FLRT1: variants seen among roughly 807,000 people sequenced by gnomAD.
The protein encoded by FLRT1 is fibronectin leucine rich transmembrane protein 1, also known as leucine-rich repeat transmembrane protein FLRT1.
In FLRT1, 14 loss-of-function variants were observed where a neutral mutation model predicts 30.9. The observed-to-expected ratio is 0.45, with a 90% CI of 0.30 to 0.71. FLRT1 has a LOEUF of 0.71. Among genes scored for constraint, FLRT1 ranks in the 30% least tolerant of loss-of-function variants. The probability of loss-of-function intolerance (pLI) is 0.08; values close to 1 mark genes in which losing one functional copy is unlikely to be tolerated. For synonymous variants in FLRT1, 368 were observed against 430.4 expected (o/e 0.85, Z 1.80); for missense variants, 737 against 949.2 (o/e 0.78, Z 2.94).
chr11:64,106,645 G>A (rs1377294388), intron 2 of FLRT1, among the ~76,000 whole-genome samples: 4 of 152,138 alleles, frequency 2.6e-5, no homozygotes, highest in Admixed American at 2.0e-4. Flanking sequence ...AGTGAGTGTT[G>A]CCCATCACCA....
At chr11:64,056,347 G>T (rs769681473) in intron 1 of FLRT1, among the ~76,000 whole-genome samples, 1 of 152,052 alleles carries the variant, frequency 6.6e-6, no homozygotes, top group Non-Finnish European at 1.5e-5. Context: ...GCCACTCCCC[G>T]CCCAGGCTCT....
intron 1 of FLRT1, among the ~76,000 whole-genome samples, chr11:64,070,425 G>A (rs1044030713): frequency 2.6e-5 from 4 of 152,200 alleles, no homozygotes; most frequent in African/African-American, 7.2e-5. Context: ...TCCAGGAGAG[G>A]CCTCCGGGAG....
chr11:64,106,029 T>C (rs1286625139), intron 2 of FLRT1, among the ~76,000 whole-genome samples: 1 of 152,052 alleles, frequency 6.6e-6, no homozygotes, highest in Non-Finnish European at 1.5e-5. Context: ...CCTCTGATAG[T>C]TGGAGACAGA....
intron 1 of FLRT1, among the ~76,000 whole-genome samples, chr11:64,080,976 C>A (rs1013216913): frequency 6.6e-6 from 1 of 152,196 alleles, no homozygotes; most frequent in Non-Finnish European, 1.5e-5. Flanking sequence ...TTGTTGAAGT[C>A]TGTTTAATGA....
At position 64,090,548 on chromosome 11, in the gene FLRT1, G is replaced by A. The variant is rs1401378790; in HGVS notation, c.-1037-12646G>A. ...CCTCGACCGGCTCTGCCTGCTCACA[G>A]GTGGCTGGGCCAGGAGGCTCCGGGA... On this transcript the variant is annotated intron_variant, in intron 1 of 2. Transcript: ENST00000682287. The surrounding 1 kb of genome is among the most constrained non-coding windows in gnomAD (Gnocchi z 4.7). Among the ~76,000 whole-genome samples the A allele has an allele frequency of 2.0e-5, 3 of 152,152 alleles. No individual in the cohort carries two copies. The highest frequency in any genetic ancestry group is 7.2e-5 in the African/African-American group (3 of 41,428).
intron 1 of FLRT1, among the ~76,000 whole-genome samples, chr11:64,051,465 CATT>C (rs1158703637): frequency 6.6e-5 from 10 of 152,216 alleles, no homozygotes; most frequent in East Asian, 1.9e-4. Context: ...GATTGAGTCT[CATT>C]GTTGTGGGGC....
chr11:64,043,873 G>A (rs1943535532), intron 1 of FLRT1, among the ~76,000 whole-genome samples: 1 of 150,680 alleles, frequency 6.6e-6, no homozygotes. Context: ...GTGCGATGGT[G>A]CAATCTGGGC....
chr11:64,099,492 G>A (rs1311260350), intron 1 of FLRT1, among the ~76,000 whole-genome samples: 2 of 152,190 alleles, frequency 1.3e-5, no homozygotes, highest in African/African-American at 2.4e-5. Context: ...AGAGACGGAT[G>A]GATGAATGGA....
intron 1 of FLRT1, among the ~76,000 whole-genome samples, chr11:64,046,058 T>C (rs1943578704): frequency 6.6e-6 from 1 of 151,896 alleles, no homozygotes; most frequent in African/African-American, 2.4e-5. Context: ...TATTATTCCC[T>C]TTTTACACAT....
In FLRT1 at chr11:64,036,012, G is replaced by T. The variant is rs544858159; in HGVS notation, c.-1185G>T. 830 of 151,126 alleles carry T rather than the reference G, an allele frequency of 5.5e-3. 1 individual carries two copies. Among genetic ancestry groups the T allele is most frequent in the South Asian group, 0.025 (125 of 4,932 alleles). The allele number at this position is 151,126 out of a possible 1,614,324, so 9.4% of individuals were successfully genotyped here. A position where few individuals can be genotyped will look rare whatever the true frequency, so the allele number is the denominator to read the frequency against. On this transcript the variant is annotated 5_prime_UTR_variant, in exon 1 of 3. Coordinates refer to ENST00000682287, the MANE Select transcript of FLRT1 (RefSeq NM_013280.5). The surrounding 1 kb of genome is among the most constrained non-coding windows in gnomAD (Gnocchi z 5.6). ...CCCCCCGCTCCGGGCCCGCCACCGT[G>T]CTCTGCCGCGCGCCGGGGGCTCCTC...
At chr11:64,075,616 A>G (rs1944185927) in intron 1 of FLRT1, among the ~76,000 whole-genome samples, 1 of 152,222 alleles carries the variant, frequency 6.6e-6, no homozygotes, top group Non-Finnish European at 1.5e-5. Context: ...ATATGGAGTG[A>G]CAACCTACAC....
Position 64,116,331 on chromosome 11 carries a change from G to A in FLRT1, c.64G>A (p.Val22Ile), listed in dbSNP as rs143337663. ...GCCCACTGCCACTGTCACGGCCACC[G>A]TTGTGATGACCACGGCCACCATGGA... The part of the protein sequence containing the change: ...TTPTATVTAT[V>I]VMTTATMDLR... Residue 22 changes from valine (V) to isoleucine (I), a missense_variant, in exon 3 of 3, where the codon GTT becomes ATT. Physicochemically the swap from Val to Ile is conservative, Grantham distance 29. Transcript: ENST00000682287. 637 of 1,610,868 alleles carry A rather than the reference G, an allele frequency of 4.0e-4. No homozygotes were observed. The highest frequency in any genetic ancestry group is 3.2e-3 in the African/African-American group (239 of 74,980).
chr11:64,069,439 G>A (rs1403211036), intron 1 of FLRT1, among the ~76,000 whole-genome samples: 2 of 152,222 alleles, frequency 1.3e-5, no homozygotes, highest in Non-Finnish European at 2.9e-5. Context: ...GGGTCTTGGA[G>A]CCCACTCCCC....
intron 1 of FLRT1, among the ~76,000 whole-genome samples, chr11:64,050,497 C>T (rs1943672694): frequency 6.6e-6 from 1 of 152,186 alleles, no homozygotes; most frequent in African/African-American, 2.4e-5. Flanking sequence ...GCCATGGATG[C>T]TTCAGCCCCC....
At chr11:64,061,005 G>C (rs1261024563) in intron 1 of FLRT1, among the ~76,000 whole-genome samples, 1 of 152,006 alleles carries the variant, frequency 6.6e-6, no homozygotes, top group Non-Finnish European at 1.5e-5. Context: ...GACCTTCCCC[G>C]ACCCAGGCAT....
Position 64,117,833 on chromosome 11 carries a change from C to G in FLRT1, c.1566C>G (p.Pro522=), listed in dbSNP as rs3824854. ...ATGCCTACGTAGCTGATGAGACACC[C>G]GTGTGTGCCAAGGCAGAGACAGCCG... ...TSNAYVADET[P]VCAKAETADS... The change falls in exon 3 of 3, where the codon CCC becomes CCG. Residue 522 remains proline (P), a synonymous_variant. Coordinates refer to ENST00000682287, the MANE Select transcript of FLRT1 (RefSeq NM_013280.5). 3.1e-6 allele frequency: 5 copies of G among 1,614,076 alleles called. No individual in the cohort carries two copies. In the East Asian group the frequency reaches 1.1e-4, roughly 36 times the overall value.
chr11:64,074,405 C>A (rs890223723), intron 1 of FLRT1, among the ~76,000 whole-genome samples: 2 of 152,186 alleles, frequency 1.3e-5, no homozygotes, highest in African/African-American at 4.8e-5. Flanking sequence ...CTGTGCTGAG[C>A]TCCAGGGGTG....
chr11:64,101,741 A>T, intron 1 of FLRT1, among the ~76,000 whole-genome samples: 1 of 151,722 alleles, frequency 6.6e-6, no homozygotes, highest in Admixed American at 6.5e-5. Flanking sequence ...CCTCCTGCGT[A>T]AGCCCCACCG....
chr11:64,117,619 T>A lies in FLRT1; in HGVS notation c.1352T>A (p.Ile451Asn), dbSNP rs1474606512. The change falls in exon 3 of 3, where the codon ATC becomes AAC. Residue 451 changes from isoleucine to asparagine, a missense_variant. Transcript: ENST00000682287. ...GTGAAGGCCCTGACGGCAGACTCCATCCGCATCACGTGGAAGGCCACGCTC... is the reference window on the plus strand; with the variant it reads ...GTGAAGGCCCTGACGGCAGACTCCAACCGCATCACGTGGAAGGCCACGCTC... ...IHVKALTADS[I>N]RITWKATLPA... 6.2e-7 allele frequency: 1 copy of A among 1,613,630 alleles called. No homozygotes were observed. Among genetic ancestry groups the A allele is most frequent in the Non-Finnish European group, 8.5e-7 (1 of 1,180,016 alleles).
Sources: allele counts gnomAD v4.1 joint callset (sites outside exome capture counted in the v4.1 genomes callset), GRCh38; gene constraint gnomAD v4.1.1; non-coding constraint Gnocchi (gnomAD v3.1); transcripts MANE v1.5; gene names NCBI Gene and HGNC (gene_info 2026-07-23, HGNC 2026-07-21).